The following UTRN variants were observed in gnomAD, a reference collection of about 807,000 sequenced individuals.
UTRN encodes the protein dystrophin-related protein 1.
Under a neutral mutation model 463.9 loss-of-function variants are expected in UTRN, and 283 were observed. That is an observed-to-expected ratio of 0.61 (90% confidence interval 0.55 to 0.67). UTRN has a LOEUF of 0.67. Ranked by LOEUF, UTRN falls within the 30% of genes least tolerant of loss-of-function variation. The pLI is 0.00. For synonymous variants in UTRN, 1,442 were observed against 1,431.5 expected (o/e 1.01, Z -0.17); for missense variants, 3,922 against 4,084.3 (o/e 0.96, Z 1.08).
At chr6:144,646,090 G>T (rs748685864) in intron 51 of UTRN, among the ~76,000 whole-genome samples, 1 of 152,054 alleles carries the variant, frequency 6.6e-6, no homozygotes, top group Admixed American at 6.5e-5. Flanking sequence ...CTACTCCTTC[G>T]ATTTTACTGT....
intron 41 of UTRN, among the ~76,000 whole-genome samples, chr6:144,527,350 C>G (rs1039914981): frequency 3.9e-5 from 6 of 152,218 alleles, no homozygotes; most frequent in African/African-American, 1.4e-4. Flanking sequence ...TATAAGGTTT[C>G]TGCTGAGAAA....
rs144223166 is a variant in UTRN at position 144,421,904 on chromosome 6, G to A, written c.168G>A (p.Met56Ile). 2.2e-4 allele frequency: 362 copies of A among 1,612,794 alleles called. 1 individual carries two copies. The Middle Eastern group carries it at 9.9e-3, about 44-fold the overall frequency. ...SKSGKPPIND[M>I]FTDLKDGRKL... is the part of the protein sequence containing the mutation. ...GTGGGAAACCACCCATCAATGATAT[G>A]TTCACAGACCTCAAAGATGGAAGGA... Residue 56 changes from methionine to isoleucine, a missense_variant, in exon 4 of 75, where the codon ATG becomes ATA. Physicochemically the swap from Met to Ile is conservative, Grantham distance 10. This residue lies in a region of UTRN where 264 missense variants were observed against 327.9 expected (regional missense o/e 0.81). Transcript: ENST00000367545.
intron 45 of UTRN, among the ~76,000 whole-genome samples, chr6:144,542,333 A>G (rs977091108): frequency 6.6e-6 from 1 of 152,066 alleles, no homozygotes; most frequent in Non-Finnish European, 1.5e-5. Context: ...GCCTCTCAAA[A>G]CTCCATTTGA....
chr6:144,797,751 A>G, intron 63 of UTRN, 73 bp from the exon 64 acceptor site: 1 of 1,477,742 alleles, frequency 6.8e-7, no homozygotes, highest in South Asian at 1.3e-5. Context: ...TCAGAAGATT[A>G]TGAAGCAACA....
intron 2 of UTRN, among the ~76,000 whole-genome samples, chr6:144,318,058 T>C (rs1775396540): frequency 6.6e-6 from 1 of 152,126 alleles, no homozygotes; most frequent in Non-Finnish European, 1.5e-5. Context: ...ACTCTGCTTG[T>C]AGGATTTTTT....
chr6:144,330,771 C>G, intron 2 of UTRN: 2 of 967,910 alleles, frequency 2.1e-6, no homozygotes, highest in Non-Finnish European at 2.5e-6. Flanking sequence ...AGGAATGTGA[C>G]CATTCTGGTC....
intron 51 of UTRN, among the ~76,000 whole-genome samples, chr6:144,644,276 G>A (rs1050352355): frequency 6.6e-6 from 1 of 152,168 alleles, no homozygotes; most frequent in African/African-American, 2.4e-5. Flanking sequence ...TCAAATGGCT[G>A]ATGCTTACAT....
At chr6:144,475,563 A>G (rs1227576556) in intron 25 of UTRN, among the ~76,000 whole-genome samples, 1 of 152,186 alleles carries the variant, frequency 6.6e-6, no homozygotes, top group Non-Finnish European at 1.5e-5. Context: ...GAAGGTTTTG[A>G]ACAGGGAAGT....
Position 144,835,897 on chromosome 6 carries a change from A to AGAACTGGAGAGGATCATTGCT in UTRN, c.9786_9806dup (p.Glu3262_Ala3268dup). 1 of 1,614,148 alleles carries AGAACTGGAGAGGATCATTGCT rather than the reference A, an allele frequency of 6.2e-7. No homozygotes were observed. Among genetic ancestry groups the AGAACTGGAGAGGATCATTGCT allele is most frequent in the Non-Finnish European group, 8.5e-7 (1 of 1,179,990 alleles). ...AGTCAGTAGAGAGGGAAGAACGTGG[A>AGAACTGGAGAGGATCATTGCT]GAACTGGAGAGGATCATTGCTGACC... On this transcript the variant is annotated inframe_insertion, in exon 70 of 75. Coordinates refer to ENST00000367545, the MANE Select transcript of UTRN (RefSeq NM_007124.3).
chr6:144,503,583 G>A (rs1794416882), intron 34 of UTRN, among the ~76,000 whole-genome samples: 1 of 151,976 alleles, frequency 6.6e-6, no homozygotes, highest in Non-Finnish European at 1.5e-5. Context: ...TATTTCTGAG[G>A]CCTCTGTTCT....
chr6:144,289,465 T>A (rs961726136), intron 1 of UTRN, among the ~76,000 whole-genome samples: 3 of 152,244 alleles, frequency 2.0e-5, no homozygotes, highest in Non-Finnish European at 1.5e-5. Flanking sequence ...CTTTTTATTT[T>A]ATTTTATTTT....
At chr6:144,525,812 G>C (rs956310300) in intron 41 of UTRN, among the ~76,000 whole-genome samples, 5 of 151,660 alleles carry the variant, frequency 3.3e-5, no homozygotes, top group Non-Finnish European at 7.4e-5. Flanking sequence ...TTTGATGTAG[G>C]CATTTAATGC....
rs1374664246 is a variant in UTRN at position 144,479,863 on chromosome 6, C to T, written c.3388C>T (p.Leu1130=). ...TGAAAGTCAAGAAAAAGCTGCGAACCTGAAGAAAGACTTGGCAGAGATGCA... is the reference window on the plus strand; with the variant it reads ...TGAAAGTCAAGAAAAAGCTGCGAACTTGAAGAAAGACTTGGCAGAGATGCA... ...LSESQEKAAN[L]KKDLAEMQEW... The change falls in exon 26 of 75, where the codon CTG becomes TTG. Residue 1130 remains leucine, a synonymous_variant. Coordinates refer to ENST00000367545, the MANE Select transcript of UTRN (RefSeq NM_007124.3). The T allele has an allele frequency of 1.9e-6, 3 of 1,614,022 alleles. No individual in the cohort carries two copies. Among genetic ancestry groups the T allele is most frequent in the Non-Finnish European group, 1.7e-6 (2 of 1,179,986 alleles).
chr6:144,396,793 C>G (rs190043536), intron 2 of UTRN, among the ~76,000 whole-genome samples: 1,880 of 152,084 alleles, frequency 0.012, 38 homozygotes, highest in African/African-American at 0.043. Flanking sequence ...ATGGCACCAT[C>G]CAACTGCATG....
At chr6:144,781,417 A>G (rs1775817246) in intron 60 of UTRN, among the ~76,000 whole-genome samples, 1 of 152,220 alleles carries the variant, frequency 6.6e-6, no homozygotes, top group Non-Finnish European at 1.5e-5. Context: ...AATATGGAGC[A>G]TCTTCAGTAA....
At chr6:144,571,077 A>AT (rs1800898176) in intron 50 of UTRN, among the ~76,000 whole-genome samples, 1 of 152,148 alleles carries the variant, frequency 6.6e-6, no homozygotes, top group African/African-American at 2.4e-5. Flanking sequence ...ACCTTACTAA[A>AT]TTTTTTAATG....
At chr6:144,665,095 G>A (rs1780253152) in intron 51 of UTRN, among the ~76,000 whole-genome samples, 1 of 152,086 alleles carries the variant, frequency 6.6e-6, no homozygotes, top group African/African-American at 2.4e-5. Flanking sequence ...TCACCTTCAG[G>A]AAAGGGGTCA....
chr6:144,326,114 A>G (rs1775957574), intron 2 of UTRN, among the ~76,000 whole-genome samples: 2 of 152,212 alleles, frequency 1.3e-5, no homozygotes, highest in Non-Finnish European at 2.9e-5. Context: ...AGCCTGCTGC[A>G]TTGTGTTATC....
At chr6:144,657,032 C>T (rs1295181606) in intron 51 of UTRN, among the ~76,000 whole-genome samples, 2 of 152,146 alleles carry the variant, frequency 1.3e-5, no homozygotes, top group African/African-American at 2.4e-5. Flanking sequence ...AGGTGGATCA[C>T]CTGAGGTCAG....
Sources: gnomAD v4.1 joint callset for allele counts (sites outside exome capture counted in the v4.1 genomes callset) on GRCh38, gnomAD v4.1.1 for gene constraint, gnomAD v4.1.1 regional missense constraint, MANE v1.5 for transcripts, NCBI Gene and HGNC (gene_info 2026-07-23, HGNC 2026-07-21) for gene names.